CTNNA3: variants seen among roughly 807,000 people sequenced by gnomAD.
The protein encoded by CTNNA3 is catenin alpha 3, also known as catenin alpha-3.
Under a neutral mutation model 95.7 loss-of-function variants are expected in CTNNA3, and 76 were observed. The observed-to-expected ratio is 0.79, with a 90% CI of 0.66 to 0.96. The LOEUF is 0.96. CTNNA3 is among the 40% of genes least tolerant of loss of function. The pLI, the probability that CTNNA3 is intolerant of heterozygous loss-of-function variation, is 0.00. For synonymous variants in CTNNA3, 431 were observed against 374.4 expected, an observed-to-expected ratio of 1.15 and a Z score of -1.74; for missense variants, 1,191 against 1,089.8, an observed-to-expected ratio of 1.09 and a Z score of -1.31.
intron 7 of CTNNA3, among the ~76,000 whole-genome samples, chr10:66,854,957 C>A (rs1796992942): frequency 6.6e-6 from 1 of 151,862 alleles, no homozygotes. Flanking sequence ...AGAAATATTA[C>A]ATAACTTGCA....
At chr10:67,613,486 A>G (rs1843533217) in intron 2 of CTNNA3, among the ~76,000 whole-genome samples, 1 of 152,232 alleles carries the variant, frequency 6.6e-6, no homozygotes, top group Non-Finnish European at 1.5e-5. Context: ...GCAAAATTAA[A>G]GTTTAGTGAT....
intron 10 of CTNNA3, among the ~76,000 whole-genome samples, chr10:66,557,460 A>AGTCTCTGGTCAAAAACATTGTGAATAC: frequency 6.6e-6 from 1 of 152,276 alleles, no homozygotes; most frequent in South Asian, 2.1e-4. Context: ...TACCATGTTC[A>AGTCTCTGGTCAAAAACATTGTGAATAC]GTCTCTGGTC....
chr10:66,870,494 T>A (rs766943572), intron 7 of CTNNA3, among the ~76,000 whole-genome samples: 1 of 152,240 alleles, frequency 6.6e-6, no homozygotes, highest in Non-Finnish European at 1.5e-5. Flanking sequence ...TACTCACTTG[T>A]GTGCTAACTT....
intron 7 of CTNNA3, among the ~76,000 whole-genome samples, chr10:66,998,782 A>G (rs1851513382): frequency 6.6e-6 from 1 of 152,176 alleles, no homozygotes; most frequent in Non-Finnish European, 1.5e-5. Flanking sequence ...CACTTTTCTT[A>G]TAACTGATAC....
chr10:67,539,605 C>A lies in CTNNA3; in HGVS notation c.357G>T (p.Glu119Asp). 1.2e-6 allele frequency: 2 copies of A among 1,613,850 alleles called. No individual in the cohort carries two copies. Among genetic ancestry groups the A allele is most frequent in the South Asian group, 2.2e-5 (2 of 91,070 alleles). ...AGGCACGGGCAGCTTGAACCACAGC[C>A]TCCCTTTTTGGGAGAAAACAGGGGT... ...TDDPCFLPKR[E>D]AVVQAARALL... Residue 119 changes from glutamate to aspartate, a missense_variant, in exon 4 of 18, where the codon GAG becomes GAT. By Grantham distance (45) the Glu-to-Asp change is conservative (BLOSUM62 2). Transcript: ENST00000433211.
At chr10:67,355,922 C>T (rs948254251) in intron 5 of CTNNA3, among the ~76,000 whole-genome samples, 1 of 151,956 alleles carries the variant, frequency 6.6e-6, no homozygotes, top group Non-Finnish European at 1.5e-5. Context: ...CCAGCCTCCA[C>T]ACCATCATCT....
intron 11 of CTNNA3, among the ~76,000 whole-genome samples, chr10:66,440,120 T>C (rs2093365193): frequency 1.3e-5 from 2 of 152,198 alleles, no homozygotes; most frequent in African/African-American, 2.4e-5. Context: ...CCAATAAATA[T>C]TATTGTTCAC....
intron 11 of CTNNA3, among the ~76,000 whole-genome samples, chr10:66,474,240 C>T (rs1433975154): frequency 1.3e-5 from 2 of 152,028 alleles, no homozygotes; most frequent in Non-Finnish European, 2.9e-5. Flanking sequence ...CACTCCCTAG[C>T]CTCTGGCAAA....
chr10:66,139,405 A>G (rs1247002782), intron 13 of CTNNA3, among the ~76,000 whole-genome samples: 1 of 152,152 alleles, frequency 6.6e-6, no homozygotes, highest in Non-Finnish European at 1.5e-5. Flanking sequence ...TGAATGGCTT[A>G]CAACCATGTA....
At chr10:66,921,152 T>C (rs1846765712) in intron 7 of CTNNA3, among the ~76,000 whole-genome samples, 1 of 152,216 alleles carries the variant, frequency 6.6e-6, no homozygotes, top group African/African-American at 2.4e-5. Context: ...TCTGGCTTCT[T>C]AATAGCTGCC....
In CTNNA3 at chr10:67,300,219, G is replaced by A. The variant is rs559742035; in HGVS notation, c.580-80349C>T. Among the ~76,000 whole-genome samples the A allele has an allele frequency of 4.1e-4, 62 of 152,236 alleles. 1 individual carries two copies. The highest frequency in any genetic ancestry group is 3.4e-3 in the Middle Eastern group (1 of 294). On this transcript the variant is annotated intron_variant, in intron 5 of 17. Coordinates refer to ENST00000433211, the MANE Select transcript of CTNNA3 (RefSeq NM_013266.4). Reference sequence around the variant, plus strand: ...AGAAAAGAAAATCATTCCCATAGATGCTTACAGGTCAAAACTCCATCCCTG... The same window carrying A: ...AGAAAAGAAAATCATTCCCATAGATACTTACAGGTCAAAACTCCATCCCTG...
intron 7 of CTNNA3, among the ~76,000 whole-genome samples, chr10:67,124,412 C>A (rs1171603547): frequency 6.8e-6 from 1 of 147,288 alleles, no homozygotes. Flanking sequence ...TGTAAACACT[C>A]TTTACTCCCA....
At chr10:66,102,527 G>A (rs1201848497) in intron 14 of CTNNA3, among the ~76,000 whole-genome samples, 6 of 152,192 alleles carry the variant, frequency 3.9e-5, no homozygotes, top group Admixed American at 2.6e-4. Context: ...GCTGTACTAC[G>A]TGGGTTTCAG....
At chr10:67,671,764 G>A (rs1840439086) in intron 1 of CTNNA3, among the ~76,000 whole-genome samples, 1 of 151,690 alleles carries the variant, frequency 6.6e-6, no homozygotes, top group Admixed American at 6.6e-5. Flanking sequence ...TATCGTTGTT[G>A]GACATTTGGG....
chr10:67,168,656 C>A (rs1269171700), intron 7 of CTNNA3, among the ~76,000 whole-genome samples: 2 of 152,180 alleles, frequency 1.3e-5, no homozygotes, highest in Non-Finnish European at 2.9e-5. Flanking sequence ...CCATCTATGA[C>A]AAACCTACAG....
intron 5 of CTNNA3, among the ~76,000 whole-genome samples, chr10:67,237,162 A>G (rs1460851972): frequency 9.3e-6 from 1 of 107,658 alleles, no homozygotes; most frequent in Non-Finnish European, 1.9e-5. Flanking sequence ...ATATATATAT[A>G]TATATATATA....
At chr10:67,645,993 A>G (rs1336171553) in intron 2 of CTNNA3, among the ~76,000 whole-genome samples, 1 of 148,554 alleles carries the variant, frequency 6.7e-6, no homozygotes, top group Admixed American at 6.7e-5. Context: ...AAGAAGATAT[A>G]TTCTTTAATA....
chr10:66,493,933 A>C (rs1840016023), intron 11 of CTNNA3, among the ~76,000 whole-genome samples: 1 of 74,986 alleles, frequency 1.3e-5, no homozygotes, highest in African/African-American at 5.8e-5. Flanking sequence ...TTTGAGACTG[A>C]GTCTTGCTGT....
intron 7 of CTNNA3, among the ~76,000 whole-genome samples, chr10:66,902,808 C>A (rs574868731): frequency 2.6e-5 from 4 of 152,252 alleles, no homozygotes; most frequent in Non-Finnish European, 4.4e-5. Context: ...GACACATACA[C>A]CCTCCCAAGA....
Sources: gnomAD v4.1 joint callset for allele counts (sites outside exome capture counted in the v4.1 genomes callset) on GRCh38, gnomAD v4.1.1 for gene constraint, MANE v1.5 for transcripts, NCBI Gene and HGNC (gene_info 2026-07-23, HGNC 2026-07-21) for gene names.